Variants in LIMCH1 observed in about 807,000 individuals in gnomAD.
LIMCH1 encodes LIM and calponin homology domains 1.
Under a neutral mutation model 176.5 loss-of-function variants are expected in LIMCH1, and 113 were observed. That is an observed-to-expected ratio of 0.64 (90% confidence interval 0.55 to 0.75). The LOEUF (loss-of-function observed/expected upper bound fraction) is 0.75. Ranked by LOEUF, LIMCH1 falls within the 30% of genes least tolerant of loss-of-function variation. The pLI is 0.00. For synonymous variants in LIMCH1, 619 were observed against 645.9 expected (o/e 0.96, Z 0.63); for missense variants, 1,674 against 1,814.9 (o/e 0.92, Z 1.41).
At chr4:41,692,201 TA>T in intron 30 of LIMCH1, 80 bp from the exon 31 acceptor site, 1 of 824,734 alleles carries the variant, frequency 1.2e-6, no homozygotes, top group African/African-American at 1.7e-5. Flanking sequence ...ATTATTGTGC[TA>T]TTCACATAAA....
At chr4:41,491,724 A>AGAC in intron 1 of LIMCH1, among the ~76,000 whole-genome samples, 1 of 133,032 alleles carries the variant, frequency 7.5e-6, no homozygotes, top group East Asian at 2.4e-4. Context: ...CTCACTTCCC[A>AGAC]GATGGGGGCG....
upstream of LIMCH1, among the ~76,000 whole-genome samples, chr4:41,535,162 CAAAAA>C (rs61639965): frequency 4.8e-5 from 4 of 83,984 alleles, no homozygotes; most frequent in Admixed American, 1.4e-4. Context: ...GACCCTGTCA[CAAAAA>C]AAAAAAAAAA....
chr4:41,678,590 G>A (rs2153038282), intron 23 of LIMCH1, among the ~76,000 whole-genome samples: 1 of 152,300 alleles, frequency 6.6e-6, no homozygotes, highest in South Asian at 2.1e-4. Context: ...TCTATTACAT[G>A]CCAAGGGGTG....
At chr4:41,527,822 CAAAAAAAAAAAA>C (rs34651693) in intron 3 of LIMCH1, among the ~76,000 whole-genome samples, 2 of 47,124 alleles carry the variant, frequency 4.2e-5, no homozygotes, top group African/African-American at 6.0e-5. Context: ...GACTCCGTCT[CAAAAAAAAAAAA>C]AAAAAAAAAA....
At chr4:41,623,249 T>C (rs993085723) in intron 7 of LIMCH1, among the ~76,000 whole-genome samples, 1 of 152,194 alleles carries the variant, frequency 6.6e-6, no homozygotes, top group African/African-American at 2.4e-5. Context: ...CATTTTAACC[T>C]CAGTGTTCTG....
chr4:41,591,860 A>T (rs1351300831), intron 1 of LIMCH1, among the ~76,000 whole-genome samples: 2 of 152,202 alleles, frequency 1.3e-5, no homozygotes, highest in Non-Finnish European at 2.9e-5. Flanking sequence ...GGAGCTTCTC[A>T]TTCCCTGTCT....
At chr4:41,535,915 C>CA (rs1254460654), upstream of LIMCH1, among the ~76,000 whole-genome samples, 5 of 151,238 alleles carry the variant, frequency 3.3e-5, no homozygotes, top group Admixed American at 6.6e-5. Context: ...CCCGAAAAAA[C>CA]AAAAAATGCC....
At chr4:41,612,357 T>C in intron 4 of LIMCH1, 1 of 566,926 alleles carries the variant, frequency 1.8e-6, no homozygotes, top group Admixed American at 3.1e-5. Flanking sequence ...TCCTTTCTAT[T>C]GGGAATGCAG....
chr4:41,641,996 C>T (rs560582873), intron 14 of LIMCH1, among the ~76,000 whole-genome samples: 81 of 152,304 alleles, frequency 5.3e-4, no homozygotes, highest in African/African-American at 1.5e-3. Context: ...GGTCTGCTCT[C>T]ATTTTCTCCA....
chr4:41,398,589 C>T (rs1368158095), intron 1 of LIMCH1, among the ~76,000 whole-genome samples: 1 of 152,026 alleles, frequency 6.6e-6, no homozygotes, highest in Non-Finnish European at 1.5e-5. Context: ...GCGAACAGTG[C>T]GTGTCTTTTT....
At chr4:41,426,734 C>T (rs986903365) in intron 1 of LIMCH1, among the ~76,000 whole-genome samples, 1 of 152,208 alleles carries the variant, frequency 6.6e-6, no homozygotes, top group African/African-American at 2.4e-5. Context: ...GCCACCCATT[C>T]CCGAGTGTGT....
upstream of LIMCH1, chr4:41,360,781 C>A: frequency 2.3e-6 from 3 of 1,322,632 alleles, no homozygotes; most frequent in South Asian, 1.4e-5. The surrounding 1 kb of genome is among the most constrained non-coding windows in gnomAD (Gnocchi z 4.5). Context: ...CGCGCTCCTG[C>A]GGCGGCGACG....
At chr4:41,524,437 G>T in exon 3 of LIMCH1, 1 of 1,613,932 alleles carries the variant, frequency 6.2e-7, no homozygotes, top group South Asian at 1.1e-5. Flanking sequence ...GCCAGGACTT[G>T]TTAAAAAGAT....
At position 41,450,956 on chromosome 4, in the gene LIMCH1, G is replaced by A. The variant is rs1411080889; in HGVS notation, c.97-43580G>A. Among the ~76,000 whole-genome samples, 8 of 152,112 alleles carry A rather than the reference G, an allele frequency of 5.3e-5. No homozygotes were observed. In the South Asian group the frequency reaches 6.2e-4, roughly 12 times the overall value. Reference sequence around the variant, plus strand: ...GTATATGGGTCATCATAGAGGAAGTGTAGAAGCTGAAATACTATTATGAGA... The same window carrying A: ...GTATATGGGTCATCATAGAGGAAGTATAGAAGCTGAAATACTATTATGAGA... On this transcript the variant is annotated intron_variant, in intron 1 of 26. Coordinates refer to the LIMCH1 transcript ENST00000313860.
chr4:41,452,788 G>C (rs984046708), intron 1 of LIMCH1, among the ~76,000 whole-genome samples: 5 of 152,084 alleles, frequency 3.3e-5, no homozygotes, highest in African/African-American at 1.2e-4. Flanking sequence ...CCTTTTTTGG[G>C]GTCCTCTGTT....
chr4:41,688,023 G>A (rs1722312250), intron 29 of LIMCH1, 106 bp downstream of exon 29: 3 of 846,860 alleles, frequency 3.5e-6, no homozygotes, highest in African/African-American at 3.3e-5. Flanking sequence ...TGAGGGATGT[G>A]TCCATCCACA....
chr4:41,483,591 C>G (rs2154168788), intron 1 of LIMCH1, among the ~76,000 whole-genome samples: 1 of 152,298 alleles, frequency 6.6e-6, no homozygotes, highest in African/African-American at 2.4e-5. Context: ...AGGCCCTTCC[C>G]CATCTCGACC....
chr4:41,509,161 T>C lies in LIMCH1; in HGVS notation c.167+14555T>C, dbSNP rs147704191. On this transcript the variant is annotated intron_variant, in intron 2 of 26. Coordinates refer to the LIMCH1 transcript ENST00000313860. ...GAAGCTGGGACTGACCTCAGCTAAC[T>C]GGGATATATGGTCACCCCAGTTATT... 1.4e-3 allele frequency among the ~76,000 whole-genome samples: 214 copies of C among 152,324 alleles called. 1 individual carries two copies. The highest frequency in any genetic ancestry group is 4.9e-3 in the African/African-American group (205 of 41,576).
intron 1 of LIMCH1, among the ~76,000 whole-genome samples, chr4:41,538,900 G>A (rs926338233): frequency 6.6e-6 from 1 of 152,186 alleles, no homozygotes; most frequent in Admixed American, 6.5e-5. Flanking sequence ...GGAGGGAAGG[G>A]CTGCATCTCC....
Sources: gnomAD v4.1 joint callset for allele counts (sites outside exome capture counted in the v4.1 genomes callset) on GRCh38, gnomAD v4.1.1 for gene constraint, Gnocchi (gnomAD v3.1) non-coding constraint, MANE v1.5 for transcripts, NCBI Gene and HGNC (gene_info 2026-07-23, HGNC 2026-07-21) for gene names.